PIP4K2A: variants seen among roughly 807,000 people sequenced by gnomAD.
PIP4K2A encodes the protein phosphatidylinositol-5-phosphate 4-kinase type 2 alpha, also known as phosphatidylinositol 5-phosphate 4-kinase type-2 alpha.
A neutral mutation model predicts 42.9 loss-of-function variants in PIP4K2A; 14 were observed. The observed-to-expected ratio is 0.33, with a 90% CI of 0.22 to 0.51. The LOEUF is 0.51. PIP4K2A is among the 20% of genes least tolerant of loss of function. The pLI is 0.97. For synonymous variants in PIP4K2A, 192 were observed against 192.2 expected (o/e 1.00, Z 0.01); for missense variants, 434 against 519.8 (o/e 0.83, Z 1.61).
chr10:22,639,454 G>GTT (rs967523237), intron 1 of PIP4K2A, among the ~76,000 whole-genome samples: 1 of 143,894 alleles, frequency 6.9e-6, no homozygotes, highest in African/African-American at 2.5e-5. Flanking sequence ...GGATTAAGAG[G>GTT]TTTTTTTTTT....
In PIP4K2A at chr10:22,535,488, C is replaced by T. The variant is rs573339369; in HGVS notation, c.*1713G>A. 3.7e-4 allele frequency: 57 copies of T among 152,376 alleles called. No individual in the cohort carries two copies. Among genetic ancestry groups the T allele is most frequent in the Admixed American group, 3.5e-3 (54 of 15,306 alleles). The allele number at this position is 152,376 out of a possible 1,614,324, so 9.4% of individuals were successfully genotyped here. A position where few individuals can be genotyped will look rare whatever the true frequency, so the allele number is the denominator to read the frequency against. On this transcript the variant is annotated 3_prime_UTR_variant, in exon 10 of 10. Transcript: ENST00000376573. ...CTAGATCCACATACACGGGGCACAGCTGCAATCTGGACAGCCCTGAAGTAA... is the reference window on the plus strand; with the variant it reads ...CTAGATCCACATACACGGGGCACAGTTGCAATCTGGACAGCCCTGAAGTAA...
At chr10:22,696,472 T>C (rs571411292) in intron 1 of PIP4K2A, among the ~76,000 whole-genome samples, 1 of 152,328 alleles carries the variant, frequency 6.6e-6, no homozygotes, top group African/African-American at 2.4e-5. Flanking sequence ...TAAATTTGTT[T>C]TGAAATAGCC....
chr10:22,649,803 G>A (rs1428207768), intron 1 of PIP4K2A, among the ~76,000 whole-genome samples: 1 of 152,166 alleles, frequency 6.6e-6, no homozygotes, highest in Non-Finnish European at 1.5e-5. Context: ...ACAGGCAGGT[G>A]GAAGGACCTG....
intron 1 of PIP4K2A, among the ~76,000 whole-genome samples, chr10:22,670,589 T>A (rs1839429204): frequency 6.6e-6 from 1 of 152,202 alleles, no homozygotes; most frequent in East Asian, 1.9e-4. Context: ...AATAGTAATT[T>A]CAAAAATTTT....
chr10:22,540,305 A>G (rs1836071245), intron 8 of PIP4K2A, among the ~76,000 whole-genome samples: 1 of 151,932 alleles, frequency 6.6e-6, no homozygotes, highest in African/African-American at 2.4e-5. Flanking sequence ...CAACCCTAAC[A>G]ACTAAAAACA....
intron 1 of PIP4K2A, among the ~76,000 whole-genome samples, chr10:22,616,904 A>T (rs1166575686): frequency 6.6e-6 from 1 of 152,220 alleles, no homozygotes; most frequent in African/African-American, 2.4e-5. Flanking sequence ...AGCTCCATTA[A>T]ATCTTAATGA....
At chr10:22,541,524 G>T (rs1027974788) in intron 8 of PIP4K2A, among the ~76,000 whole-genome samples, 1 of 152,242 alleles carries the variant, frequency 6.6e-6, no homozygotes, top group African/African-American at 2.4e-5. Flanking sequence ...CAGTGTGTAT[G>T]TGCATATGTA....
rs1262222112 is a variant in PIP4K2A at position 22,539,983 on chromosome 10, A to G, written c.1128T>C (p.Thr376=). ...TGGAGATACTCACGCCATGTTTAAC[A>G]GTTTTTGCAGCATGGGCAGCTTTCT... ...AKKKAAHAAK[T]VKHGAGAEIS... Residue 376 remains threonine (T), a synonymous_variant, in exon 9 of 10, where the codon ACT becomes ACC. Transcript: ENST00000376573. 1 of 1,599,080 alleles carries G rather than the reference A, an allele frequency of 6.3e-7. No homozygotes were observed. Among genetic ancestry groups the G allele is most frequent in the Admixed American group, 1.7e-5 (1 of 59,966 alleles).
chr10:22,667,794 A>AG (rs1284119357), intron 1 of PIP4K2A, among the ~76,000 whole-genome samples: 1 of 152,128 alleles, frequency 6.6e-6, no homozygotes, highest in East Asian at 1.9e-4. Context: ...AAAAAGTTTT[A>AG]GAAGTAAATA....
chr10:22,700,231 T>C (rs16922614), intron 1 of PIP4K2A, among the ~76,000 whole-genome samples: 3,282 of 152,298 alleles, frequency 0.022, 116 homozygotes, highest in African/African-American at 0.074. Flanking sequence ...CAAGGAAAAC[T>C]GCTTATGGAC....
At chr10:22,668,554 A>G (rs1839393292) in intron 1 of PIP4K2A, among the ~76,000 whole-genome samples, 1 of 152,218 alleles carries the variant, frequency 6.6e-6, no homozygotes, top group Admixed American at 6.5e-5. Flanking sequence ...ATTGGGCTGT[A>G]TTTCAAAAGT....
chr10:22,562,786 A>G (rs1156379255), intron 6 of PIP4K2A, among the ~76,000 whole-genome samples: 1 of 152,032 alleles, frequency 6.6e-6, no homozygotes, highest in Non-Finnish European at 1.5e-5. Flanking sequence ...CCGTCCTTCC[A>G]GGGAGGATTC....
At chr10:22,643,847 C>G (rs956507) in intron 1 of PIP4K2A, among the ~76,000 whole-genome samples, 1 of 152,118 alleles carries the variant, frequency 6.6e-6, no homozygotes, top group African/African-American at 2.4e-5. Flanking sequence ...GTCATCCCCT[C>G]TGAAGCACCT....
At chr10:22,702,345 ATAC>A (rs2130918111) in intron 1 of PIP4K2A, among the ~76,000 whole-genome samples, 1 of 152,360 alleles carries the variant, frequency 6.6e-6, no homozygotes, top group Non-Finnish European at 1.5e-5. Flanking sequence ...ACACTTCTGA[ATAC>A]TACAATTTTT....
chr10:22,593,879 G>A (rs549197525), intron 3 of PIP4K2A, among the ~76,000 whole-genome samples: 2 of 152,320 alleles, frequency 1.3e-5, no homozygotes, highest in East Asian at 1.9e-4. Flanking sequence ...AATAGTAAAG[G>A]AGAACTGTAT....
intron 1 of PIP4K2A, among the ~76,000 whole-genome samples, chr10:22,619,538 G>C (rs898947161): frequency 2.0e-5 from 3 of 150,886 alleles, no homozygotes; most frequent in African/African-American, 7.4e-5. Context: ...CTGGGTTCAA[G>C]CAATTCTCCT....
chr10:22,611,119 C>T (rs188225652), intron 1 of PIP4K2A, among the ~76,000 whole-genome samples: 2 of 152,268 alleles, frequency 1.3e-5, no homozygotes, highest in East Asian at 3.9e-4. Context: ...TTGGGCACAG[C>T]AGCTCATATA....
intron 1 of PIP4K2A, among the ~76,000 whole-genome samples, chr10:22,649,582 T>C (rs1174089885): frequency 1.3e-5 from 2 of 152,170 alleles, no homozygotes; most frequent in African/African-American, 4.8e-5. Context: ...TGGGTGACAC[T>C]GCAGACACAA....
chr10:22,576,575 C>T (rs553882679), intron 4 of PIP4K2A, among the ~76,000 whole-genome samples: 2 of 152,278 alleles, frequency 1.3e-5, no homozygotes, highest in Admixed American at 1.3e-4. Context: ...GTGTTCATTA[C>T]CTGTGTGACC....
Sources: gnomAD v4.1 joint callset for allele counts (sites outside exome capture counted in the v4.1 genomes callset) on GRCh38, gnomAD v4.1.1 for gene constraint, MANE v1.5 for transcripts, NCBI Gene and HGNC (gene_info 2026-07-23, HGNC 2026-07-21) for gene names.